Variants in TIMM50 observed in about 807,000 individuals in gnomAD.
TIMM50 encodes mitochondrial import inner membrane translocase subunit TIM50.
Under a neutral mutation model 49.6 loss-of-function variants are expected in TIMM50, and 34 were observed. The ratio of observed to expected loss-of-function variants is 0.69; its 90% CI spans 0.52 to 0.91. TIMM50 has a LOEUF of 0.91. Ranked by LOEUF, TIMM50 falls within the 40% of genes least tolerant of loss-of-function variation. TIMM50 has a pLI of 0.00. For synonymous variants in TIMM50, 199 were observed against 198.4 expected, an observed-to-expected ratio of 1.00 and a Z score of -0.03; for missense variants, 458 against 477.8, an observed-to-expected ratio of 0.96 and a Z score of 0.39.
chr19:39,488,098 T>C lies in TIMM50; in HGVS notation c.734T>C (p.Val245Ala). ...CTGAATCGGGACCCAGCTCGAGTAGTAGTTGTGGACTGCAAGAAGGAAGCC... is the reference window on the plus strand; with the variant it reads ...CTGAATCGGGACCCAGCTCGAGTAGCAGTTGTGGACTGCAAGAAGGAAGCC... Reference protein sequence around the residue: ...SCLNRDPARVVVVDCKKEAFR... With the variant: ...SCLNRDPARVAVVDCKKEAFR... The change falls in exon 9 of 11, where the codon GTA (valine) becomes GCA (alanine). Residue 245 changes from valine to alanine, a missense_variant. Coordinates refer to ENST00000607714, the MANE Select transcript of TIMM50 (RefSeq NM_001001563.5). 5 of 1,612,978 alleles carry C rather than the reference T, an allele frequency of 3.1e-6. No homozygotes were observed. Among genetic ancestry groups the C allele is most frequent in the Non-Finnish European group, 3.4e-6 (4 of 1,179,010 alleles).
At chr19:39,485,471 G>A in intron 4 of TIMM50, 73 bp from the exon 5 acceptor site, 1 of 1,588,032 alleles carries the variant, frequency 6.3e-7, no homozygotes, top group East Asian at 2.2e-5. Context: ...TGGTAGATAA[G>A]AAACCCCTGG....
rs1392214478 is a variant in TIMM50, at chr19:39,489,814, G to A, written c.1056G>A (p.Gln352=). The A allele has an allele frequency of 1.2e-6, 2 of 1,606,466 alleles. No individual in the cohort carries two copies. The highest frequency in any genetic ancestry group is 1.3e-5 in the African/African-American group (1 of 74,966). Residue 352 remains glutamine, a synonymous_variant, in exon 11 of 11, where the codon CAG becomes CAA. Coordinates refer to ENST00000607714, the MANE Select transcript of TIMM50 (RefSeq NM_001001563.5). ...LTSRLWPRSK[Q]P ...GCCGCTTGTGGCCTCGCTCCAAACA[G>A]CCCTGAACTCTGGGCCTCCTCAAAC...
intron 9 of TIMM50, 40 bp downstream of exon 9, chr19:39,488,257 G>T (rs765880327): frequency 6.3e-7 from 1 of 1,581,450 alleles, no homozygotes; most frequent in Non-Finnish European, 8.6e-7. Context: ...TGACCCCAGA[G>T]CCCCTGACTC....
rs755615374 is a variant in TIMM50 at position 39,485,562 on chromosome 19, A to G, written c.332A>G (p.Gln111Arg). The G allele has an allele frequency of 6.2e-7, 1 of 1,614,104 alleles. No homozygotes were observed. Among genetic ancestry groups the G allele is most frequent in the Admixed American group, 1.7e-5 (1 of 59,996 alleles). The change falls in exon 5 of 11, where the codon CAG becomes CGG. Residue 111 changes from glutamine to arginine, a missense_variant. Gln to Arg is a conservative substitution (Grantham distance 43). Transcript: ENST00000607714. The part of the protein sequence containing the change: ...EFDNDPILVQ[Q>R]LRRTYKYFKD... ...CTCCTAGATCCAATTCTGGTACAGC[A>G]GTTGCGCCGGACATACAAATATTTC...
At chr19:39,487,343 G>A (rs1330203475) in intron 8 of TIMM50, among the ~76,000 whole-genome samples, 1 of 152,066 alleles carries the variant, frequency 6.6e-6, no homozygotes, top group African/African-American at 2.4e-5. Context: ...GATGAACATG[G>A]CTCACTGCAG....
Position 39,489,726 on chromosome 19 carries a change from A to T in TIMM50, c.968A>T (p.Gln323Leu). The change falls in exon 11 of 11, where the codon CAG becomes CTG. Residue 323 changes from glutamine to leucine, a missense_variant. Coordinates refer to ENST00000607714, the MANE Select transcript of TIMM50 (RefSeq NM_001001563.5). ...QRQSRLEQEE[Q>L]QRLAELSKSN... Reference sequence around the variant, plus strand: ...ACTGTCCCCCTACCCCAGGAGGAGCAGCAGCGCCTGGCCGAGCTCTCCAAG... The same window carrying T: ...ACTGTCCCCCTACCCCAGGAGGAGCTGCAGCGCCTGGCCGAGCTCTCCAAG... 6.2e-7 allele frequency: 1 copy of T among 1,606,450 alleles called. No homozygotes were observed. Among genetic ancestry groups the T allele is most frequent in the South Asian group, 1.1e-5 (1 of 89,200 alleles).
Position 39,491,214 on chromosome 19 carries a change from T to G in TIMM50, c.*1394T>G, listed in dbSNP as rs1406217660. 1 of 150,432 alleles carries G rather than the reference T, an allele frequency of 6.6e-6. No individual in the cohort carries two copies. The highest frequency in any genetic ancestry group is 1.5e-5 in the Non-Finnish European group (1 of 67,792). 9.3% of individuals were successfully genotyped at this position (150,432 alleles called of 1,614,324 possible). A position where few individuals can be genotyped will look rare whatever the true frequency, so the allele number is the denominator to read the frequency against. Reference sequence around the variant, plus strand: ...GGAGTTTCGCTCTTATTGCCCAGGCTGGAGTGCAATGGCACGACGTCGGCT... The same window carrying G: ...GGAGTTTCGCTCTTATTGCCCAGGCGGGAGTGCAATGGCACGACGTCGGCT... On this transcript the variant is annotated 3_prime_UTR_variant, in exon 11 of 11. Coordinates refer to ENST00000607714, the MANE Select transcript of TIMM50 (RefSeq NM_001001563.5).
chr19:39,481,975 G>T lies in TIMM50; in HGVS notation c.201G>T (p.Ala67=), dbSNP rs143687273. ...GTCCCAGCTATGCCAAAAAAGTTGCGCTCTGGCTTGCTGGGCTGCTTGGAG... is the reference window on the plus strand; with the variant it reads ...GTCCCAGCTATGCCAAAAAAGTTGCTCTCTGGCTTGCTGGGCTGCTTGGAG... ...SEGPSYAKKV[A]LWLAGLLGAG... Residue 67 remains alanine (A), a synonymous_variant, in exon 2 of 11, where the codon GCG becomes GCT. Coordinates refer to ENST00000607714, the MANE Select transcript of TIMM50 (RefSeq NM_001001563.5). The T allele has an allele frequency of 1.2e-6, 2 of 1,614,190 alleles. No individual in the cohort carries two copies. Among genetic ancestry groups the T allele is most frequent in the Non-Finnish European group, 8.5e-7 (1 of 1,180,028 alleles).
intron 4 of TIMM50, 130 bp from the exon 5 acceptor site, chr19:39,485,414 G>C: frequency 9.7e-7 from 1 of 1,026,178 alleles, no homozygotes; most frequent in Non-Finnish European, 1.5e-6. Context: ...TTTGGACCTA[G>C]AAATGAGTTG....
In TIMM50 at chr19:39,488,231, C is replaced by T; in HGVS notation, c.853+14C>T. On this transcript the variant is annotated intron_variant, in intron 9 of 10. Transcript: ENST00000607714. Reference sequence around the variant, plus strand: ...CCTTCCTCAAGAGTAAGGCTGACCCCTGATCCCTTGGCCTCTGACCCCAGA... The same window carrying T: ...CCTTCCTCAAGAGTAAGGCTGACCCTTGATCCCTTGGCCTCTGACCCCAGA... 3 of 1,601,438 alleles carry T rather than the reference C, an allele frequency of 1.9e-6. No individual in the cohort carries two copies.
At chr19:39,481,243 A>T (rs1035319329) in intron 1 of TIMM50, 3 of 491,090 alleles carry the variant, frequency 6.1e-6, no homozygotes, top group South Asian at 6.4e-5. Context: ...ATACTTGAGC[A>T]GGAGGGGCCT....
In TIMM50 at chr19:39,486,294, G is replaced by GCC; in HGVS notation, c.597+3_597+4insCC. The stretch of plus-strand genomic sequence containing the variant: ...TCTTTACGTCAGAGACTGGCATGGT[G>GCC]AGGCTCTGGGGCAGGGGAGGGAATA... On this transcript the variant is annotated splice_donor_region_variant and intron_variant, in intron 7 of 10. Transcript: ENST00000607714. 3 of 1,613,928 alleles carry GCC rather than the reference G, an allele frequency of 1.9e-6. No homozygotes were observed. Among genetic ancestry groups the GCC allele is most frequent in the Non-Finnish European group, 2.5e-6 (3 of 1,179,816 alleles).
At position 39,481,885 on chromosome 19, in the gene TIMM50, C is replaced by T; in HGVS notation, c.111C>T (p.Ala37=). ...GACCTCCCCTTTCTCAACCGCAGGC[C>T]GCAGAGATCGGGAGCCGCGGGAGCA... ...ATPPRRAPDQ[A]AEIGSRGSTK... The change falls in exon 2 of 11, where the codon GCC becomes GCT. Residue 37 remains alanine (A), a splice_region_variant and synonymous_variant. Transcript: ENST00000607714. The T allele has an allele frequency of 1.2e-6, 2 of 1,612,268 alleles. No individual in the cohort carries two copies. Among genetic ancestry groups the T allele is most frequent in the Non-Finnish European group, 8.5e-7 (1 of 1,179,390 alleles).
Position 39,481,965 on chromosome 19 carries a change from A to G in TIMM50, c.191A>G (p.Lys64Arg), listed in dbSNP as rs1340053203. Residue 64 changes from lysine (K) to arginine (R), a missense_variant, in exon 2 of 11, where the codon AAA becomes AGA. Transcript: ENST00000607714. ...QPGSEGPSYA[K>R]KVALWLAGLL... ...GGCTCAGAGGGTCCCAGCTATGCCA[A>G]AAAAGTTGCGCTCTGGCTTGCTGGG... 6.2e-7 allele frequency: 1 copy of G among 1,614,192 alleles called. No individual in the cohort carries two copies.
Position 39,488,127 on chromosome 19 carries a change from C to T in TIMM50, c.763C>T (p.Arg255Cys), listed in dbSNP as rs369800453. ...TGTGGACTGCAAGAAGGAAGCCTTC[C>T]GCCTGCAGCCCTATAACGGCGTTGC... ...VVVDCKKEAF[R>C]LQPYNGVALR... The change falls in exon 9 of 11, where the codon CGC becomes TGC. Residue 255 changes from arginine (R) to cysteine (C), a missense_variant. Physicochemically the swap from Arg to Cys is radical, Grantham distance 180. Transcript: ENST00000607714. 186 of 1,614,036 alleles carry T rather than the reference C, an allele frequency of 1.2e-4. No individual in the cohort carries two copies. Among genetic ancestry groups the T allele is most frequent in the Non-Finnish European group, 1.5e-4 (176 of 1,179,904 alleles).
In TIMM50 at chr19:39,491,888, G is replaced by A. The variant is rs1248799134; in HGVS notation, c.*2068G>A. 1 of 147,134 alleles carries A rather than the reference G, an allele frequency of 6.8e-6. No homozygotes were observed. The highest frequency in any genetic ancestry group is 2.5e-5 in the African/African-American group (1 of 39,744). The allele number at this position is 147,134 out of a possible 1,614,324, so 9.1% of individuals were successfully genotyped here. On this transcript the variant is annotated 3_prime_UTR_variant, in exon 11 of 11. Transcript: ENST00000607714. ...TTTTTTGGAGTCAGGGTCTCGCTGT[G>A]TCGCCCAGGCTGGAGCACAGTGGTG...
intron 6 of TIMM50, 96 bp downstream of exon 6, chr19:39,485,903 G>A: frequency 6.5e-7 from 1 of 1,532,380 alleles, no homozygotes; most frequent in Admixed American, 1.9e-5. Flanking sequence ...TGTGATCTTG[G>A]GGAGGAGATG....
Position 39,480,849 on chromosome 19 carries a change from G to C in TIMM50, c.-5G>C, listed in dbSNP as rs2079464977. On this transcript the variant is annotated 5_prime_UTR_variant, in exon 1 of 11. Coordinates refer to ENST00000607714, the MANE Select transcript of TIMM50 (RefSeq NM_001001563.5). ...GTGGGCGGGGCCGCGTGGCGTCAGC[G>C]CAAGATGGCGGCCTCGGCAGCGGTG... 1.3e-6 allele frequency: 2 copies of C among 1,594,712 alleles called. No individual in the cohort carries two copies. Among genetic ancestry groups the C allele is most frequent in the African/African-American group, 1.3e-5 (1 of 74,598 alleles).
chr19:39,481,903 C>G lies in TIMM50; in HGVS notation c.129C>G (p.Arg43=). The G allele has an allele frequency of 6.2e-7, 1 of 1,613,630 alleles. No individual in the cohort carries two copies. Among genetic ancestry groups the G allele is most frequent in the Non-Finnish European group, 8.5e-7 (1 of 1,179,872 alleles). Reference sequence around the variant, plus strand: ...CGCAGGCCGCAGAGATCGGGAGCCGCGGGAGCACTAAGGCGCAAGGGCCAC... The same window carrying G: ...CGCAGGCCGCAGAGATCGGGAGCCGGGGGAGCACTAAGGCGCAAGGGCCAC... ...APDQAAEIGS[R]GSTKAQGPQQ... is the part of the protein sequence containing the mutation. The change falls in exon 2 of 11, where the codon CGC becomes CGG. Residue 43 remains arginine (R), a synonymous_variant. Coordinates refer to ENST00000607714, the MANE Select transcript of TIMM50 (RefSeq NM_001001563.5).
Sources: gnomAD v4.1 joint callset for allele counts (sites outside exome capture counted in the v4.1 genomes callset) on GRCh38, gnomAD v4.1.1 for gene constraint, MANE v1.5 for transcripts, NCBI Gene and HGNC (gene_info 2026-07-23, HGNC 2026-07-21) for gene names.